Variants in TMPRSS11D observed in about 807,000 individuals in gnomAD.
TMPRSS11D encodes the protein transmembrane protease serine 11D.
In TMPRSS11D, 32 loss-of-function variants were observed where a neutral mutation model predicts 44.4. That is an observed-to-expected ratio of 0.72 (90% confidence interval 0.54 to 0.97). The LOEUF (loss-of-function observed/expected upper bound fraction) is 0.97, where lower values mean the gene tolerates loss of function less well. Among genes scored for constraint, TMPRSS11D ranks in the 50% least tolerant of loss-of-function variants. TMPRSS11D has a pLI of 0.00. For missense variants in TMPRSS11D, 446 were observed against 502.6 expected (o/e 0.89, Z 1.08); for synonymous variants, 179 against 177.9 (o/e 1.01, Z -0.05).
chr4:67,864,473 T>C (rs1469419857), intron 1 of TMPRSS11D, among the ~76,000 whole-genome samples: 1 of 151,954 alleles, frequency 6.6e-6, no homozygotes, highest in Non-Finnish European at 1.5e-5. Flanking sequence ...TCACTTGTCT[T>C]ATAAAACAAA....
intron 1 of TMPRSS11D, among the ~76,000 whole-genome samples, chr4:67,882,952 A>G (rs730258): frequency 0.18 from 27,039 of 151,920 alleles, 3,089 homozygotes; most frequent in East Asian, 0.57. Context: ...TGTATCTATT[A>G]CATGAATATG....
At chr4:67,882,731 TA>T (rs1219510102) in intron 1 of TMPRSS11D, among the ~76,000 whole-genome samples, 1 of 152,062 alleles carries the variant, frequency 6.6e-6, no homozygotes, top group Non-Finnish European at 1.5e-5. Flanking sequence ...TTAAGAACAA[TA>T]AAAAATATAA....
At chr4:67,834,455 CACTGAAGT>C (rs1718026322) in intron 6 of TMPRSS11D, among the ~76,000 whole-genome samples, 1 of 152,118 alleles carries the variant, frequency 6.6e-6, no homozygotes. Context: ...TTTGTAAAAT[CACTGAAGT>C]ACCTAAGATA....
At chr4:67,854,253 G>A in intron 2 of TMPRSS11D, 67 bp from the exon 3 acceptor site, 2 of 804,748 alleles carry the variant, frequency 2.5e-6, no homozygotes, top group Non-Finnish European at 3.9e-6. Context: ...AATTTATTCA[G>A]GATTATGGGA....
chr4:67,877,198 C>A (rs1719213066), intron 1 of TMPRSS11D, among the ~76,000 whole-genome samples: 1 of 152,116 alleles, frequency 6.6e-6, no homozygotes, highest in African/African-American at 2.4e-5. Flanking sequence ...CTCCTCTAGT[C>A]AACCTAAGTG....
intron 1 of TMPRSS11D, among the ~76,000 whole-genome samples, chr4:67,879,589 T>C (rs1389675850): frequency 6.6e-6 from 1 of 150,802 alleles, no homozygotes; most frequent in East Asian, 1.9e-4. Context: ...CAGGAAAGAA[T>C]GGTGTTTTGG....
rs1415832695 is a variant in TMPRSS11D, at chr4:67,854,136, A to T, written c.181T>A (p.Tyr61Asn). ...GCTGGTGAATTTAACTGACTATTATATTCAACATTTAGGAGTTGAAAACTG... is the reference window on the plus strand; with the variant it reads ...GCTGGTGAATTTAACTGACTATTATTTTCAACATTTAGGAGTTGAAAACTG... ...RSSFQLLNVE[Y>N]NSQLNSPATQ... The change falls in exon 3 of 10, where the codon TAT becomes AAT. Residue 61 changes from tyrosine to asparagine, a missense_variant. Physicochemically the swap from Tyr to Asn is moderately radical, Grantham distance 143 (BLOSUM62 -2). Coordinates refer to ENST00000283916, the MANE Select transcript of TMPRSS11D (RefSeq NM_004262.3). 3 of 1,600,268 alleles carry T rather than the reference A, an allele frequency of 1.9e-6. No homozygotes were observed. The African/African-American group carries it at 4.0e-5, about 22-fold the overall frequency.
At chr4:67,862,945 T>C (rs1560547034) in intron 1 of TMPRSS11D, among the ~76,000 whole-genome samples, 1 of 151,826 alleles carries the variant, frequency 6.6e-6, no homozygotes, top group Non-Finnish European at 1.5e-5. Context: ...TTAGGAGATA[T>C]ACCTAATGTA....
At chr4:67,835,833 T>C (rs973055785) in intron 5 of TMPRSS11D, among the ~76,000 whole-genome samples, 6 of 152,116 alleles carry the variant, frequency 3.9e-5, no homozygotes, top group African/African-American at 1.4e-4. Flanking sequence ...GTAAGATGTT[T>C]GTGGAGCAAT....
At chr4:67,864,771 A>C (rs878977330) in intron 1 of TMPRSS11D, among the ~76,000 whole-genome samples, 3 of 151,936 alleles carry the variant, frequency 2.0e-5, no homozygotes, top group Admixed American at 2.0e-4. Context: ...GTAGTAAAAA[A>C]AGACAAAGAA....
At chr4:67,828,972 C>A (rs1330200078) in intron 7 of TMPRSS11D, among the ~76,000 whole-genome samples, 3 of 152,064 alleles carry the variant, frequency 2.0e-5, no homozygotes, top group Non-Finnish European at 4.4e-5. Flanking sequence ...CAGGAAAGCT[C>A]CACCAGAGTT....
At chr4:67,880,184 T>G (rs553971411) in intron 1 of TMPRSS11D, among the ~76,000 whole-genome samples, 1 of 152,164 alleles carries the variant, frequency 6.6e-6, no homozygotes, top group Non-Finnish European at 1.5e-5. Context: ...GAGGTGCCCA[T>G]GGGGTCTTCT....
chr4:67,843,331 A>G (rs1252570068), intron 3 of TMPRSS11D, among the ~76,000 whole-genome samples: 3 of 152,076 alleles, frequency 2.0e-5, no homozygotes, highest in African/African-American at 7.2e-5. Flanking sequence ...AAATATAGTT[A>G]GATGAAATGA....
At chr4:67,871,775 A>G (rs561997148) in intron 1 of TMPRSS11D, among the ~76,000 whole-genome samples, 1 of 152,314 alleles carries the variant, frequency 6.6e-6, no homozygotes, top group South Asian at 2.1e-4. Context: ...TGGTGGTAAC[A>G]TGGTAGGGGT....
At chr4:67,824,137 GT>G (rs5859106) in intron 9 of TMPRSS11D, among the ~76,000 whole-genome samples, 92,201 of 143,616 alleles carry the variant, frequency 0.64, 29,742 homozygotes, top group Admixed American at 0.73. Context: ...AAAGTGCTGT[GT>G]TTTTTTTTTT....
At chr4:67,829,859 A>G (rs1717902479) in intron 7 of TMPRSS11D, among the ~76,000 whole-genome samples, 1 of 152,074 alleles carries the variant, frequency 6.6e-6, no homozygotes, top group Non-Finnish European at 1.5e-5. Flanking sequence ...CAAAAGAATA[A>G]TACTAAATGT....
At chr4:67,854,035 T>C (rs1718572054) in intron 3 of TMPRSS11D, 33 bp downstream of exon 3, 7 of 1,210,110 alleles carry the variant, frequency 5.8e-6, no homozygotes, top group South Asian at 5.6e-5. Context: ...CATTTTATAA[T>C]GGAATAAAGA....
chr4:67,882,739 A>G (rs1719349518), intron 1 of TMPRSS11D, among the ~76,000 whole-genome samples: 1 of 152,292 alleles, frequency 6.6e-6, no homozygotes, highest in Non-Finnish European at 1.5e-5. Context: ...AATAAAAAAT[A>G]TAATTCATAA....
intron 2 of TMPRSS11D, among the ~76,000 whole-genome samples, chr4:67,857,998 T>C (rs2109687865): frequency 6.6e-6 from 1 of 152,232 alleles, no homozygotes; most frequent in African/African-American, 2.4e-5. Context: ...ATATTATGTT[T>C]CATTAAAACA....
Sources: gnomAD v4.1 joint callset for allele counts (sites outside exome capture counted in the v4.1 genomes callset) on GRCh38, gnomAD v4.1.1 for gene constraint, MANE v1.5 for transcripts, NCBI Gene and HGNC (gene_info 2026-07-23, HGNC 2026-07-21) for gene names.